RBPJ: variants seen among roughly 807,000 people sequenced by gnomAD.
RBPJ encodes recombination signal binding protein for immunoglobulin kappa J region, also known as recombining binding protein suppressor of hairless.
In RBPJ, 9 loss-of-function variants were observed where a neutral mutation model predicts 67.8. The observed-to-expected ratio is 0.13, with a 90% CI of 0.08 to 0.23. The LOEUF is 0.23. Ranked by LOEUF, RBPJ falls within the 10% of genes least tolerant of loss-of-function variation. The pLI is 1.00. For synonymous variants in RBPJ, 198 were observed against 203.3 expected, an observed-to-expected ratio of 0.97 and a Z score of 0.22; for missense variants, 305 against 595.6, an observed-to-expected ratio of 0.51 and a Z score of 5.08.
upstream of RBPJ, among the ~76,000 whole-genome samples, chr4:26,316,334 CATTCATATATACAT>C (rs1315104501): frequency 6.9e-5 from 10 of 145,126 alleles, no homozygotes; most frequent in Non-Finnish European, 3.0e-5. Context: ...CATATATATA[CATTCATATATACAT>C]ATTCATATAT....
rs545388933 is a variant in RBPJ at position 26,191,210 on chromosome 4, T to TAGAGAGAG, written c.-167+27620_-167+27627dup. Among the ~76,000 whole-genome samples, 107 of 26,800 alleles carry TAGAGAGAG rather than the reference T, an allele frequency of 4.0e-3. 1 individual carries two copies. Among genetic ancestry groups the TAGAGAGAG allele is most frequent in the Admixed American group, 8.5e-3 (9 of 1,062 alleles). The allele number at this position is 26,800 out of a possible 152,430, so 17.6% of individuals were successfully genotyped here. On this transcript the variant is annotated intron_variant, in intron 1 of 4. Transcript: ENST00000512351. ...ATATATATATATATATATATATATA[T>TAGAGAGAG]AGAGAGAGAGAGAGAGAGAGAGAGA...
chr4:26,355,016 A>C (rs1162232448), intron 1 of RBPJ, among the ~76,000 whole-genome samples: 1 of 152,144 alleles, frequency 6.6e-6, no homozygotes, highest in Non-Finnish European at 1.5e-5. Flanking sequence ...ACTTGATTTA[A>C]AACTTGTTTT....
upstream of RBPJ, among the ~76,000 whole-genome samples, chr4:26,316,390 CATATATACATTCAT>C (rs1361831078): frequency 7.7e-4 from 111 of 143,904 alleles, no homozygotes; most frequent in South Asian, 3.5e-3. Flanking sequence ...TATATACATT[CATATATACATTCAT>C]ATATATACAT....
At position 26,321,024 on chromosome 4, in the gene RBPJ, G is replaced by A. The variant is rs779914960; in HGVS notation, c.-5G>A. On this transcript the variant is annotated 5_prime_UTR_variant, in exon 1 of 11. Coordinates refer to ENST00000355476, the MANE Select transcript of RBPJ (RefSeq NM_015874.6). ...GGTTGGAGTTTTGGCGAGAGTTTGT[G>A]GAAGATGGCGCCTGTTGTGACAGGG... The A allele has an allele frequency of 1.2e-6, 2 of 1,613,466 alleles. No homozygotes were observed. The highest frequency in any genetic ancestry group is 4.5e-5 in the East Asian group (2 of 44,876).
At chr4:26,303,039 G>A (rs1285689268) in intron 1 of RBPJ, among the ~76,000 whole-genome samples, 4 of 151,684 alleles carry the variant, frequency 2.6e-5, no homozygotes, top group Admixed American at 2.6e-4. Context: ...AAGTTTGCTG[G>A]GCATGGTAAC....
chr4:26,313,676 A>G (rs1722511373), intron 1 of RBPJ, among the ~76,000 whole-genome samples: 1 of 151,878 alleles, frequency 6.6e-6, no homozygotes, highest in Admixed American at 6.6e-5. Context: ...TCTCTTAAAA[A>G]AAAAAAAAAA....
chr4:26,161,410 T>A (rs756067118), upstream of RBPJ, among the ~76,000 whole-genome samples: 1 of 152,112 alleles, frequency 6.6e-6, no homozygotes, highest in South Asian at 2.1e-4. Context: ...TAAGCAGAAA[T>A]GGGATTTATT....
chr4:26,106,639 G>A, the RBPJ span, among the ~76,000 whole-genome samples: 1 of 152,098 alleles, frequency 6.6e-6, no homozygotes, highest in African/African-American at 2.4e-5. Flanking sequence ...GAGATTCTGT[G>A]GCTGCCTTGG....
At position 26,307,248 on chromosome 4, in the gene RBPJ, T is replaced by C. The variant is rs142740931; in HGVS notation, c.-166-55198T>C. ...GCTTGAGACAGTGCAGACTCATAGT[T>C]ACCGTCACTGTGGAAATTATACATC... is the stretch of plus-strand genomic sequence containing the variant. On this transcript the variant is annotated intron_variant, in intron 1 of 4. Coordinates refer to the RBPJ transcript ENST00000512351. Among the ~76,000 whole-genome samples the C allele has an allele frequency of 9.4e-4, 143 of 152,338 alleles. 1 individual carries two copies. Among genetic ancestry groups the C allele is most frequent in the Non-Finnish European group, 1.7e-3 (116 of 68,034 alleles).
intron 1 of RBPJ, among the ~76,000 whole-genome samples, chr4:26,275,108 T>TC (rs1352398707): frequency 6.6e-6 from 1 of 152,106 alleles, no homozygotes; most frequent in African/African-American, 2.4e-5. Context: ...GATGTCATCG[T>TC]CCCTATTTCA....
intron 1 of RBPJ, among the ~76,000 whole-genome samples, chr4:26,203,716 C>T (rs1297095885): frequency 6.6e-6 from 1 of 152,240 alleles, no homozygotes; most frequent in African/African-American, 2.4e-5. Flanking sequence ...ATACCCCCAA[C>T]ATGCTTTCAT....
chr4:26,211,492 G>GATTCACCTCTGTAAATA (rs1317864388), intron 1 of RBPJ, among the ~76,000 whole-genome samples: 10 of 152,154 alleles, frequency 6.6e-5, no homozygotes, highest in African/African-American at 2.4e-4. Context: ...ACATACCATA[G>GATTCACCTCTGTAAATA]ATTCACCTCT....
At chr4:26,310,934 T>A (rs1420126428) in intron 1 of RBPJ, among the ~76,000 whole-genome samples, 1 of 152,202 alleles carries the variant, frequency 6.6e-6, no homozygotes, top group African/African-American at 2.4e-5. Context: ...CGTCCCCAAG[T>A]GCTGGGATTA....
At chr4:26,327,709 G>C (rs1358307927) in intron 1 of RBPJ, among the ~76,000 whole-genome samples, 1 of 152,052 alleles carries the variant, frequency 6.6e-6, no homozygotes, top group Non-Finnish European at 1.5e-5. Context: ...GGGCGCAGTA[G>C]TAGCTCAGGC....
intron 1 of RBPJ, among the ~76,000 whole-genome samples, chr4:26,374,585 C>T (rs1729515183): frequency 6.6e-6 from 1 of 151,936 alleles, no homozygotes; most frequent in Non-Finnish European, 1.5e-5. Flanking sequence ...AAGCAATTCT[C>T]CTGCCTCAGC....
intron 1 of RBPJ, among the ~76,000 whole-genome samples, chr4:26,214,923 A>AGGAAGGAAGGAGGGAGGGAGGAAGGAT (rs1718613333): frequency 1.8e-5 from 1 of 56,452 alleles, no homozygotes; most frequent in African/African-American, 5.8e-5. Context: ...AAGAGAAAAA[A>AGGAAGGAAGGAGGGAGGGAGGAAGGAT]GGAAGGAAGG....
chr4:26,261,180 T>A (rs1413708010), intron 1 of RBPJ, among the ~76,000 whole-genome samples: 1 of 151,284 alleles, frequency 6.6e-6, no homozygotes, highest in East Asian at 1.9e-4. Context: ...TAGAACAAGA[T>A]GCAACAGTAA....
At chr4:26,245,662 T>C (rs1719903978) in intron 1 of RBPJ, among the ~76,000 whole-genome samples, 1 of 152,252 alleles carries the variant, frequency 6.6e-6, no homozygotes, top group Admixed American at 6.5e-5. Context: ...TCCACAGTCA[T>C]GAAGAGTTGT....
intron 1 of RBPJ, among the ~76,000 whole-genome samples, chr4:26,196,898 T>G (rs996731189): frequency 2.0e-5 from 3 of 152,176 alleles, no homozygotes; most frequent in African/African-American, 7.2e-5. Flanking sequence ...CTTCCTTCAC[T>G]TTTAAATTAA....
Sources: allele counts gnomAD v4.1 joint callset (sites outside exome capture counted in the v4.1 genomes callset), GRCh38; gene constraint gnomAD v4.1.1; transcripts MANE v1.5; gene names NCBI Gene and HGNC (gene_info 2026-07-23, HGNC 2026-07-21).